VWA3B: variants seen among roughly 807,000 people sequenced by gnomAD.
VWA3B encodes von Willebrand factor A domain containing 3B, also known as von Willebrand factor A domain-containing protein 3B.
In VWA3B, 138 loss-of-function variants were observed where a neutral mutation model predicts 158.3. The ratio of observed to expected loss-of-function variants is 0.87; its 90% CI spans 0.76 to 1.00. VWA3B has a LOEUF of 1.00. Ranked by LOEUF, VWA3B falls within the 50% of genes least tolerant of loss-of-function variation. VWA3B has a pLI of 0.00. For synonymous variants in VWA3B, 596 were observed against 587.3 expected (o/e 1.01, Z -0.21); for missense variants, 1,555 against 1,565.1 (o/e 0.99, Z 0.11).
intron 6 of VWA3B, among the ~76,000 whole-genome samples, chr2:98,132,856 C>T (rs562621443): frequency 7.5e-4 from 114 of 152,342 alleles, no homozygotes; most frequent in African/African-American, 2.5e-3. Context: ...ATTCCAGTCT[C>T]GCCTGAAACC....
At chr2:98,321,962 T>C in the VWA3B span, among the ~76,000 whole-genome samples, 1 of 152,180 alleles carries the variant, frequency 6.6e-6, no homozygotes, top group African/African-American at 2.4e-5. Flanking sequence ...GTCTTTCCCA[T>C]GCTGTTCTTG....
At chr2:98,257,350 C>T (rs563049626) in intron 21 of VWA3B, among the ~76,000 whole-genome samples, 1 of 152,070 alleles carries the variant, frequency 6.6e-6, no homozygotes, top group Non-Finnish European at 1.5e-5. Flanking sequence ...ATATATACCA[C>T]ATTTTCTTTA....
At chr2:98,266,831 G>A (rs1276938886) in intron 21 of VWA3B, among the ~76,000 whole-genome samples, 28 of 146,086 alleles carry the variant, frequency 1.9e-4, no homozygotes, top group Admixed American at 3.4e-4. Context: ...GTTCACTCAT[G>A]ATTTGGCTCT....
chr2:98,178,980 G>C (rs898164499), intron 8 of VWA3B, among the ~76,000 whole-genome samples: 1 of 152,096 alleles, frequency 6.6e-6, no homozygotes, highest in African/African-American at 2.4e-5. Context: ...AAAATCTCAG[G>C]GTCCTTTCTG....
intron 12 of VWA3B, among the ~76,000 whole-genome samples, chr2:98,195,474 G>T (rs2105439931): frequency 6.6e-6 from 1 of 152,264 alleles, no homozygotes; most frequent in South Asian, 2.1e-4. Flanking sequence ...ATGCCTGTAA[G>T]ATTTTAATTT....
In VWA3B at chr2:98,119,666, G is replaced by T. The variant is rs780230958; in HGVS notation, c.445G>T (p.Gly149Cys). ...EQCVTIVLDF[G>C]GILEGELDLC... ...GTGCGTCACCATAGTGCTGGATTTT[G>T]GCGGCATTCTGGAGGGGGAGCTTGA... The change falls in exon 4 of 28, where the codon GGC (glycine) becomes TGC (cysteine). Residue 149 changes from glycine to cysteine, a missense_variant. Coordinates refer to ENST00000477737, the MANE Select transcript of VWA3B (RefSeq NM_144992.5). 1.2e-6 allele frequency: 2 copies of T among 1,614,112 alleles called. No homozygotes were observed. Among genetic ancestry groups the T allele is most frequent in the South Asian group, 2.2e-5 (2 of 91,078 alleles).
At chr2:98,135,114 T>C (rs1013480998) in intron 7 of VWA3B, among the ~76,000 whole-genome samples, 1 of 152,158 alleles carries the variant, frequency 6.6e-6, no homozygotes, top group Admixed American at 6.5e-5. Flanking sequence ...AGATTAAGCC[T>C]AGTGGGCAAT....
chr2:98,175,630 G>A (rs939341005), intron 8 of VWA3B, among the ~76,000 whole-genome samples: 1 of 152,176 alleles, frequency 6.6e-6, no homozygotes, highest in African/African-American at 2.4e-5. Context: ...CCCAAAGGAT[G>A]GGGGAGAGAG....
chr2:98,280,408 A>G (rs1688804164), intron 22 of VWA3B, among the ~76,000 whole-genome samples: 2 of 152,208 alleles, frequency 1.3e-5, no homozygotes, highest in South Asian at 2.1e-4. Context: ...TGAGGTAGCT[A>G]TTTGTTAATG....
rs1443190315 is a variant in VWA3B, at chr2:98,294,216, A to C, written c.3157+3594A>C. 1.3e-5 allele frequency among the ~76,000 whole-genome samples: 2 copies of C among 151,628 alleles called. 1 individual carries two copies. Among genetic ancestry groups the C allele is most frequent in the East Asian group, 3.9e-4 (2 of 5,194 alleles). ...CACACACACACACAAAAAAAAAAAA[A>C]AAAAAAAAAAAAAAGAAGGCCAAAT... is the stretch of plus-strand genomic sequence containing the variant. On this transcript the variant is annotated intron_variant, in intron 23 of 27. Transcript: ENST00000477737.
intron 22 of VWA3B, among the ~76,000 whole-genome samples, chr2:98,272,614 T>C (rs1299729063): frequency 6.6e-6 from 1 of 152,190 alleles, no homozygotes; most frequent in Non-Finnish European, 1.5e-5. Flanking sequence ...GCCTTGGTCT[T>C]TCCGGTGACC....
chr2:98,218,416 T>C (rs1684213014), intron 14 of VWA3B, among the ~76,000 whole-genome samples: 2 of 152,236 alleles, frequency 1.3e-5, no homozygotes, highest in African/African-American at 4.8e-5. Context: ...TATCAATATT[T>C]TGACAAACTT....
At chr2:98,301,306 A>C (rs921326751) in intron 25 of VWA3B, among the ~76,000 whole-genome samples, 4 of 151,732 alleles carry the variant, frequency 2.6e-5, no homozygotes, top group Non-Finnish European at 4.4e-5. Context: ...ACAAAAAAAC[A>C]AAACAAAAAA....
Position 98,162,975 on chromosome 2 carries a change from C to CG in VWA3B, c.1114+1dup. 6.2e-7 allele frequency: 1 copy of CG among 1,614,016 alleles called. No homozygotes were observed. The highest frequency in any genetic ancestry group is 8.5e-7 in the Non-Finnish European group (1 of 1,179,978). On this transcript the variant is annotated frameshift_variant and splice_region_variant, in exon 8 of 28. Coordinates refer to ENST00000477737, the MANE Select transcript of VWA3B (RefSeq NM_144992.5). LOFTEE classifies it high-confidence loss of function. ...AGCCCGACGTGGCCACTGTGGACTG[C>CG]GGTTGGTGCTATTTCTGGTCACTGG...
At chr2:98,251,834 G>A (rs146944329) in intron 20 of VWA3B, among the ~76,000 whole-genome samples, 28 of 152,200 alleles carry the variant, frequency 1.8e-4, no homozygotes, top group South Asian at 4.2e-4. Flanking sequence ...AGCCTCCATC[G>A]TTGCCCTCAC....
chr2:98,242,646 G>T (rs1686152941), intron 19 of VWA3B, among the ~76,000 whole-genome samples: 1 of 149,716 alleles, frequency 6.7e-6, no homozygotes, highest in African/African-American at 2.5e-5. Context: ...AGATAGCCTG[G>T]ATTGGTGCTC....
At chr2:98,289,511 C>A (rs1378949742) in intron 22 of VWA3B, among the ~76,000 whole-genome samples, 2 of 152,212 alleles carry the variant, frequency 1.3e-5, no homozygotes, top group South Asian at 2.1e-4. Context: ...CTTCTAGCAT[C>A]CACTGTTGCA....
chr2:98,201,459 C>T (rs1190909200), intron 12 of VWA3B, among the ~76,000 whole-genome samples: 1 of 152,124 alleles, frequency 6.6e-6, no homozygotes, highest in East Asian at 1.9e-4. Context: ...CCTATCCAAC[C>T]CGTATAGTGT....
intron 23 of VWA3B, among the ~76,000 whole-genome samples, chr2:98,294,502 G>A (rs530438400): frequency 7.2e-5 from 11 of 152,364 alleles, no homozygotes; most frequent in African/African-American, 2.6e-4. Context: ...TATTCCAGGG[G>A]TCAGTGTGGG....
Sources: allele counts gnomAD v4.1 joint callset (sites outside exome capture counted in the v4.1 genomes callset), GRCh38; gene constraint gnomAD v4.1.1; transcripts MANE v1.5; gene names NCBI Gene and HGNC (gene_info 2026-07-23, HGNC 2026-07-21).